CDO1: variants seen among roughly 807,000 people sequenced by gnomAD.
The protein encoded by CDO1 is cysteine dioxygenase type 1.
CDO1 carries 19 observed loss-of-function variants against 24.5 expected under a neutral mutation model. The ratio of observed to expected loss-of-function variants is 0.77; its 90% CI spans 0.54 to 1.14. The LOEUF is 1.14. Among genes scored for constraint, CDO1 ranks in the 50% most tolerant of loss-of-function variants. The pLI, the probability that CDO1 is intolerant of heterozygous loss-of-function variation, is 0.00. For missense variants in CDO1, 244 were observed against 244.8 expected, an observed-to-expected ratio of 1.00 and a Z score of 0.02; for synonymous variants, 91 against 87.0, an observed-to-expected ratio of 1.05 and a Z score of -0.26.
In CDO1 at chr5:115,806,459, G is replaced by A; in HGVS notation, c.463C>T (p.His155Tyr). 6.2e-7 allele frequency: 1 copy of A among 1,611,928 alleles called. No homozygotes were observed. Among genetic ancestry groups the A allele is most frequent in the Non-Finnish European group, 8.5e-7 (1 of 1,179,202 alleles). Reference protein sequence around the residue: ...ISHTEPAVSLHLYSPPFDTCH... With the variant: ...ISHTEPAVSLYLYSPPFDTCH... ...GTATCAAAAGGTGGACTGTACAAGT[G>A]AAGGCTCACAGCAGGTTCCGTATGG... Residue 155 changes from histidine to tyrosine, a missense_variant, in exon 4 of 5, where the codon CAC becomes TAC. By Grantham distance (83) the His-to-Tyr change is moderately conservative. Transcript: ENST00000250535.
intron 3 of CDO1, among the ~76,000 whole-genome samples, chr5:115,808,447 T>A (rs1279133593): frequency 6.6e-6 from 1 of 152,100 alleles, no homozygotes; most frequent in Admixed American, 6.5e-5. Flanking sequence ...CTCAAAAATT[T>A]ACCTTCCATG....
intron 4 of CDO1, 30 bp downstream of exon 4, chr5:115,806,319 G>A: frequency 6.5e-7 from 1 of 1,544,796 alleles, no homozygotes. Context: ...AACCTACAGA[G>A]CATTTAAACC....
At chr5:115,810,171 T>A (rs1414233636) in intron 3 of CDO1, among the ~76,000 whole-genome samples, 1 of 152,210 alleles carries the variant, frequency 6.6e-6, no homozygotes, top group African/African-American at 2.4e-5. Context: ...CTGGTGTGCC[T>A]TATAGATAGC....
chr5:115,807,193 C>T (rs1301559320), intron 3 of CDO1, among the ~76,000 whole-genome samples: 1 of 152,114 alleles, frequency 6.6e-6, no homozygotes, highest in East Asian at 1.9e-4. Context: ...AGAATGCTGC[C>T]AGACAAGATT....
chr5:115,807,293 C>T (rs1305614759), intron 3 of CDO1, among the ~76,000 whole-genome samples: 5 of 152,126 alleles, frequency 3.3e-5, no homozygotes, highest in Admixed American at 3.3e-4. Flanking sequence ...GCTGGAAGTT[C>T]CTGAAGAAAA....
chr5:115,811,362 T>TA, intron 2 of CDO1, 47 bp from the exon 3 acceptor site: 4 of 1,423,580 alleles, frequency 2.8e-6, no homozygotes, highest in Non-Finnish European at 3.9e-6. Flanking sequence ...TGGTCTAGTA[T>TA]CCAGACCTGC....
At chr5:115,810,759 C>T (rs1352772083) in intron 3 of CDO1, among the ~76,000 whole-genome samples, 1 of 152,076 alleles carries the variant, frequency 6.6e-6, no homozygotes, top group Non-Finnish European at 1.5e-5. Context: ...TTTAGGTATG[C>T]TATATGTATT....
Position 115,816,454 on chromosome 5 carries a change from A to T in CDO1, c.-57T>A, listed in dbSNP as rs1172351171. 4 of 1,591,466 alleles carry T rather than the reference A, an allele frequency of 2.5e-6. No homozygotes were observed. In the Admixed American group the frequency reaches 6.7e-5, roughly 27 times the overall value. On this transcript the variant is annotated 5_prime_UTR_variant, in exon 1 of 5. Transcript: ENST00000250535. ...CTGCTGGGCTGCGGTGGAGGAGCTG[A>T]GCGAGCCAAGGAGCTGGGGGCGAGG... is the stretch of plus-strand genomic sequence containing the variant.
intron 3 of CDO1, among the ~76,000 whole-genome samples, chr5:115,810,615 A>C (rs1760145212): frequency 6.6e-6 from 1 of 152,222 alleles, no homozygotes; most frequent in African/African-American, 2.4e-5. Context: ...GGAATATGGA[A>C]ATTAATCACT....
At chr5:115,809,965 T>C (rs761187708) in intron 3 of CDO1, among the ~76,000 whole-genome samples, 2 of 152,158 alleles carry the variant, frequency 1.3e-5, no homozygotes, top group Non-Finnish European at 2.9e-5. Flanking sequence ...CACTTCCTTA[T>C]CTGTTGAGAT....
In CDO1 at chr5:115,816,630, G is replaced by C. The variant is rs1051892786; in HGVS notation, c.-233C>G. 3.6e-6 allele frequency: 2 copies of C among 553,584 alleles called. No individual in the cohort carries two copies. The highest frequency in any genetic ancestry group is 6.5e-6 in the Non-Finnish European group (2 of 307,298). The allele number at this position is 553,584 out of a possible 1,614,324, so 34.3% of individuals were successfully genotyped here. A position where few individuals can be genotyped will look rare whatever the true frequency, so the allele number is the denominator to read the frequency against. ...GTGGATCCGGGATCGCTGGAGACGC[G>C]GTGCACACACAAATCAGGTTCAGAT... is the stretch of plus-strand genomic sequence containing the variant. On this transcript the variant is annotated 5_prime_UTR_variant, in exon 1 of 5. Transcript: ENST00000250535.
intron 3 of CDO1, 77 bp downstream of exon 3, chr5:115,811,084 A>T (rs1457395002): frequency 1.5e-6 from 2 of 1,319,964 alleles, no homozygotes; most frequent in African/African-American, 2.9e-5. Flanking sequence ...ACTGCATAAA[A>T]AGTGTAAGTA....
At chr5:115,805,613 T>C (rs528281890) in intron 4 of CDO1, 151 bp from the exon 5 acceptor site, 229 of 675,662 alleles carry the variant, frequency 3.4e-4, no homozygotes, top group Non-Finnish European at 4.9e-4. Flanking sequence ...GAATATCTCT[T>C]AGGGTTTGGA....
chr5:115,805,760 ATAAT>A (rs1759920291), intron 4 of CDO1, among the ~76,000 whole-genome samples: 2 of 152,230 alleles, frequency 1.3e-5, no homozygotes, highest in South Asian at 4.1e-4. Flanking sequence ...GGATATTCTG[ATAAT>A]TAAAGACTAT....
Sources: gnomAD v4.1 joint callset for allele counts (sites outside exome capture counted in the v4.1 genomes callset) on GRCh38, gnomAD v4.1.1 for gene constraint, MANE v1.5 for transcripts, NCBI Gene and HGNC (gene_info 2026-07-23, HGNC 2026-07-21) for gene names.